The following GFRAL variants were observed in gnomAD, a reference collection of about 807,000 sequenced individuals.
GFRAL encodes GDNF family receptor alpha-like.
In GFRAL, 36 loss-of-function variants were observed where a neutral mutation model predicts 45.4. The observed-to-expected ratio is 0.79, with a 90% CI of 0.61 to 1.05. GFRAL has a LOEUF of 1.05. Ranked by LOEUF, GFRAL falls within the 50% of genes least tolerant of loss-of-function variation. The probability of loss-of-function intolerance (pLI) is 0.00; values close to 1 mark genes in which losing one functional copy is unlikely to be tolerated. For synonymous variants in GFRAL, 166 were observed against 154.1 expected, an observed-to-expected ratio of 1.08 and a Z score of -0.57; for missense variants, 507 against 467.5, an observed-to-expected ratio of 1.08 and a Z score of -0.78.
intron 5 of GFRAL, among the ~76,000 whole-genome samples, chr6:55,352,995 A>G (rs914980355): frequency 6.6e-6 from 1 of 152,058 alleles, no homozygotes; most frequent in African/African-American, 2.4e-5. Context: ...GGCAAACAGT[A>G]GATACTGAGA....
At chr6:55,329,474 T>C (rs931375372) in intron 1 of GFRAL, among the ~76,000 whole-genome samples, 4 of 152,164 alleles carry the variant, frequency 2.6e-5, no homozygotes, top group Non-Finnish European at 5.9e-5. Flanking sequence ...TCACAAGATA[T>C]AATGATTAAT....
intron 3 of GFRAL, among the ~76,000 whole-genome samples, chr6:55,335,485 A>C (rs1278780102): frequency 6.6e-6 from 1 of 152,134 alleles, no homozygotes; most frequent in Admixed American, 6.6e-5. Context: ...TCTTTCATAG[A>C]TCATACTTTT....
At chr6:55,366,594 C>A in intron 6 of GFRAL, among the ~76,000 whole-genome samples, 1 of 136,688 alleles carries the variant, frequency 7.3e-6, no homozygotes. Context: ...ATAAATTTCC[C>A]TCTACACACT....
In GFRAL at chr6:55,331,749, C is replaced by G. The variant is rs1767831925; in HGVS notation, c.57C>G (p.Ser19=). 6.2e-7 allele frequency: 1 copy of G among 1,610,734 alleles called. No individual in the cohort carries two copies. Among genetic ancestry groups the G allele is most frequent in the Non-Finnish European group, 8.5e-7 (1 of 1,178,722 alleles). The change falls in exon 2 of 9, where the codon TCC becomes TCG. Residue 19 remains serine (S), a synonymous_variant. Coordinates refer to ENST00000340465, the MANE Select transcript of GFRAL (RefSeq NM_207410.2). ...TAAGCTTGGAAAATGAATACACTTC[C>G]CAAACCAATAATTGCACATATTTAA... is the stretch of plus-strand genomic sequence containing the variant. ...MGLSLENEYT[S]QTNNCTYLRE... is the part of the protein sequence containing the mutation.
chr6:55,397,704 A>G (rs928464485), intron 6 of GFRAL, among the ~76,000 whole-genome samples: 4 of 152,066 alleles, frequency 2.6e-5, no homozygotes, highest in African/African-American at 9.7e-5. Context: ...TCTACTGATT[A>G]TTGTTAACAC....
chr6:55,382,023 C>T (rs896404166), intron 6 of GFRAL, among the ~76,000 whole-genome samples: 4 of 151,880 alleles, frequency 2.6e-5, no homozygotes, highest in African/African-American at 9.7e-5. Flanking sequence ...ACACAAAACT[C>T]TAATTCAAGT....
chr6:55,385,938 T>G (rs1694112952), intron 6 of GFRAL, among the ~76,000 whole-genome samples: 1 of 152,084 alleles, frequency 6.6e-6, no homozygotes, highest in South Asian at 2.1e-4. Context: ...AGTCTTGGAT[T>G]AGGTAACTGA....
At chr6:55,388,829 A>G (rs999265340) in intron 6 of GFRAL, among the ~76,000 whole-genome samples, 2 of 152,166 alleles carry the variant, frequency 1.3e-5, no homozygotes, top group African/African-American at 4.8e-5. Context: ...AGTTACCGTC[A>G]TTATGTCTGG....
chr6:55,372,797 T>A (rs993076458), intron 6 of GFRAL, among the ~76,000 whole-genome samples: 2 of 152,180 alleles, frequency 1.3e-5, no homozygotes, highest in Non-Finnish European at 2.9e-5. Context: ...CAAATAAGTC[T>A]CTGCAACAAT....
intron 6 of GFRAL, among the ~76,000 whole-genome samples, chr6:55,394,427 A>C (rs1316418474): frequency 6.6e-6 from 1 of 152,162 alleles, no homozygotes; most frequent in East Asian, 1.9e-4. Context: ...AGAAGAAGCC[A>C]GTGAAGAAGA....
intron 3 of GFRAL, among the ~76,000 whole-genome samples, chr6:55,339,015 A>T (rs1225594389): frequency 6.6e-6 from 1 of 152,170 alleles, no homozygotes; most frequent in African/African-American, 2.4e-5. Flanking sequence ...ATATCAGTTA[A>T]AAAGCCATCA....
intron 6 of GFRAL, among the ~76,000 whole-genome samples, chr6:55,373,948 G>T (rs369253297): frequency 7.9e-5 from 12 of 152,204 alleles, no homozygotes; most frequent in African/African-American, 2.6e-4. Flanking sequence ...CCCACTGTGT[G>T]TCCATGTGTT....
chr6:55,357,664 C>T (rs148373044), intron 5 of GFRAL, among the ~76,000 whole-genome samples: 161 of 151,582 alleles, frequency 1.1e-3, no homozygotes, highest in African/African-American at 3.7e-3. Context: ...GACTTTAGTC[C>T]ATTTACATTT....
chr6:55,365,456 G>A (rs1768347840), intron 6 of GFRAL, among the ~76,000 whole-genome samples: 1 of 106,074 alleles, frequency 9.4e-6, no homozygotes, highest in African/African-American at 4.2e-5. Context: ...AATTGCCCTG[G>A]CCAGAACTTC....
intron 5 of GFRAL, among the ~76,000 whole-genome samples, chr6:55,358,298 T>C (rs1363885798): frequency 6.6e-6 from 1 of 151,972 alleles, no homozygotes; most frequent in South Asian, 2.1e-4. Flanking sequence ...TATATTCTTA[T>C]TGTAAAAAAA....
chr6:55,341,743 C>T (rs113706252), intron 3 of GFRAL, among the ~76,000 whole-genome samples: 38,253 of 151,916 alleles, frequency 0.25, 5,203 homozygotes, highest in Middle Eastern at 0.44. Context: ...GGAGGATGTT[C>T]GAACCCATTG....
intron 6 of GFRAL, among the ~76,000 whole-genome samples, chr6:55,364,787 C>T (rs1005072324): frequency 1.3e-5 from 2 of 151,656 alleles, no homozygotes; most frequent in Non-Finnish European, 2.9e-5. Flanking sequence ...TGTTCTGTTC[C>T]ATTGATCTAT....
In GFRAL at chr6:55,364,204, T is replaced by C. The variant is rs545413721; in HGVS notation, c.952+5066T>C. ...TGACGGCCAGTGATGATGAGCATTT[T>C]TTCATGTGTTTTTTGGCTGCATAAA... On this transcript the variant is annotated intron_variant, in intron 6 of 8. Coordinates refer to ENST00000340465, the MANE Select transcript of GFRAL (RefSeq NM_207410.2). Among the ~76,000 whole-genome samples the C allele has an allele frequency of 5.0e-3, 762 of 151,438 alleles. 7 individuals are homozygous for C. The highest frequency in any genetic ancestry group is 0.018 in the African/African-American group (727 of 41,142).
At chr6:55,343,904 A>G (rs560966224) in intron 3 of GFRAL, among the ~76,000 whole-genome samples, 2 of 152,268 alleles carry the variant, frequency 1.3e-5, no homozygotes, top group South Asian at 4.1e-4. Flanking sequence ...CAGAGAATAA[A>G]CACCTCTACA....
Sources: gnomAD v4.1 joint callset for allele counts (sites outside exome capture counted in the v4.1 genomes callset) on GRCh38, gnomAD v4.1.1 for gene constraint, MANE v1.5 for transcripts, NCBI Gene and HGNC (gene_info 2026-07-23, HGNC 2026-07-21) for gene names.